Variants in LHFPL3 observed in about 807,000 individuals in gnomAD.
LHFPL3 encodes the protein LHFPL tetraspan subfamily member 3 protein.
Under a neutral mutation model 19.3 loss-of-function variants are expected in LHFPL3, and 5 were observed. The ratio of observed to expected loss-of-function variants is 0.26; its 90% CI spans 0.14 to 0.54. LHFPL3 has a LOEUF of 0.54. Ranked by LOEUF, LHFPL3 falls within the 20% of genes least tolerant of loss-of-function variation. LHFPL3 has a pLI of 0.94. For missense variants in LHFPL3, 249 were observed against 307.4 expected, an observed-to-expected ratio of 0.81 and a Z score of 1.42; for synonymous variants, 133 against 126.2, an observed-to-expected ratio of 1.05 and a Z score of -0.36.
At chr7:104,570,314 C>T (rs1021578209) in intron 1 of LHFPL3, among the ~76,000 whole-genome samples, 1 of 152,196 alleles carries the variant, frequency 6.6e-6, no homozygotes. Flanking sequence ...CCAAATGTGG[C>T]TCATGTGTCA....
chr7:104,761,315 CTTGTAG>C (rs1562985451), intron 2 of LHFPL3, among the ~76,000 whole-genome samples: 1 of 151,932 alleles, frequency 6.6e-6, no homozygotes, highest in Non-Finnish European at 1.5e-5. Flanking sequence ...CAAATTCATC[CTTGTAG>C]CACAAGGATG....
At chr7:104,492,059 C>G (rs1023912944) in intron 1 of LHFPL3, among the ~76,000 whole-genome samples, 1 of 152,202 alleles carries the variant, frequency 6.6e-6, no homozygotes, top group Middle Eastern at 3.4e-3. Context: ...AATTTGGGTT[C>G]GAATGTTTCT....
At chr7:104,336,418 C>T (rs1423218144) in intron 1 of LHFPL3, among the ~76,000 whole-genome samples, 3 of 151,612 alleles carry the variant, frequency 2.0e-5, no homozygotes, top group African/African-American at 7.3e-5. Context: ...TATGATATGC[C>T]CACTGCACAA....
intron 2 of LHFPL3, among the ~76,000 whole-genome samples, chr7:104,835,294 C>A (rs200091088): frequency 1.6e-5 from 2 of 127,432 alleles, no homozygotes; most frequent in South Asian, 2.4e-4. Context: ...CATCAACCAA[C>A]ATTTGCTGTG....
At chr7:104,845,242 G>T (rs531811560) in intron 2 of LHFPL3, 4 of 666,088 alleles carry the variant, frequency 6.0e-6, no homozygotes, top group Non-Finnish European at 1.1e-5. Flanking sequence ...TCAAGTATGT[G>T]CAGAGAATCA....
At chr7:104,747,005 G>C (rs184587787) in intron 2 of LHFPL3, among the ~76,000 whole-genome samples, 39 of 152,202 alleles carry the variant, frequency 2.6e-4, no homozygotes, top group African/African-American at 9.4e-4. Context: ...TTTTCATCTG[G>C]TTGCTTTACA....
At chr7:104,852,697 G>T (rs1451155311) in intron 2 of LHFPL3, among the ~76,000 whole-genome samples, 2 of 152,250 alleles carry the variant, frequency 1.3e-5, no homozygotes, top group Admixed American at 6.5e-5. Context: ...TTGGTTTAAA[G>T]CTCTGCAGCC....
intron 1 of LHFPL3, among the ~76,000 whole-genome samples, chr7:104,342,690 C>T (rs577180172): frequency 1.3e-5 from 2 of 152,164 alleles, no homozygotes; most frequent in Non-Finnish European, 1.5e-5. Flanking sequence ...TAAATCAATA[C>T]TTTTTCCGTC....
chr7:104,656,083 C>G (rs1043232695), intron 1 of LHFPL3, among the ~76,000 whole-genome samples: 1 of 152,014 alleles, frequency 6.6e-6, no homozygotes, highest in Non-Finnish European at 1.5e-5. Context: ...TGGAGCTTCT[C>G]CATCTAAATA....
chr7:104,546,093 C>A (rs1447605097), intron 1 of LHFPL3, among the ~76,000 whole-genome samples: 1 of 152,126 alleles, frequency 6.6e-6, no homozygotes, highest in Non-Finnish European at 1.5e-5. Context: ...ATTTTTGTCT[C>A]AGAATCTAGT....
intron 1 of LHFPL3, among the ~76,000 whole-genome samples, chr7:104,578,856 T>C (rs1435989923): frequency 6.6e-6 from 1 of 152,212 alleles, no homozygotes; most frequent in Non-Finnish European, 1.5e-5. Context: ...TCGAGAGTGG[T>C]CAGTCTAAGA....
chr7:104,768,080 A>G (rs966287882), intron 2 of LHFPL3, among the ~76,000 whole-genome samples: 29 of 151,452 alleles, frequency 1.9e-4, no homozygotes, highest in African/African-American at 6.8e-4. Flanking sequence ...ATCAGCCTTC[A>G]TGGAAAATAC....
chr7:104,883,899 A>G (rs1218504968), intron 2 of LHFPL3, among the ~76,000 whole-genome samples: 1 of 152,256 alleles, frequency 6.6e-6, no homozygotes, highest in East Asian at 1.9e-4. Flanking sequence ...CCTCTGAGCC[A>G]TTGAAATTCA....
rs757036964 is a variant in LHFPL3 at position 104,736,634 on chromosome 7, A to C, written c.446-41A>C. ...TTGCTAAGTTAAAATTTATTGACTT[A>C]TCTTTTTTGTTTCTTTTGTTTTTCT... On this transcript the variant is annotated intron_variant, in intron 1 of 2. Coordinates refer to ENST00000424859, the MANE Select transcript of LHFPL3 (RefSeq NM_199000.3). 4.5e-6 allele frequency: 6 copies of C among 1,324,340 alleles called. No homozygotes were observed. The Admixed American group carries it at 9.9e-5, about 22-fold the overall frequency. 82.0% of individuals were successfully genotyped at this position (1,324,340 alleles called of 1,614,324 possible).
intron 1 of LHFPL3, among the ~76,000 whole-genome samples, chr7:104,696,899 C>A (rs1793006571): frequency 6.6e-6 from 1 of 152,156 alleles, no homozygotes; most frequent in Non-Finnish European, 1.5e-5. Context: ...GCCACAAAGT[C>A]CCACAGACTA....
intron 1 of LHFPL3, among the ~76,000 whole-genome samples, chr7:104,522,141 T>G (rs1398581177): frequency 6.6e-6 from 1 of 152,064 alleles, no homozygotes; most frequent in African/African-American, 2.4e-5. Context: ...CCAACCCAAA[T>G]GTCCAACAAT....
At chr7:104,422,688 A>G (rs1190431081) in intron 1 of LHFPL3, among the ~76,000 whole-genome samples, 2 of 152,202 alleles carry the variant, frequency 1.3e-5, no homozygotes, top group Non-Finnish European at 2.9e-5. Context: ...ATCTGTACAA[A>G]GGGGATAATA....
intron 2 of LHFPL3, among the ~76,000 whole-genome samples, chr7:104,866,279 A>C (rs1235640277): frequency 1.3e-5 from 2 of 152,206 alleles, no homozygotes; most frequent in African/African-American, 2.4e-5. Context: ...ACACAGACTG[A>C]CAAATTGGAT....
chr7:104,867,346 A>G (rs138675252), intron 2 of LHFPL3, among the ~76,000 whole-genome samples: 1,584 of 152,324 alleles, frequency 0.01, 26 homozygotes, highest in African/African-American at 0.035. Context: ...CTAATAAAGA[A>G]GAAAAGAGAG....
Sources: gnomAD v4.1 joint callset for allele counts (sites outside exome capture counted in the v4.1 genomes callset) on GRCh38, gnomAD v4.1.1 for gene constraint, MANE v1.5 for transcripts, NCBI Gene and HGNC (gene_info 2026-07-23, HGNC 2026-07-21) for gene names.